CORO7: variants seen among roughly 807,000 people sequenced by gnomAD.
CORO7 encodes coronin 7, also known as coronin-7.
In CORO7, 107 loss-of-function variants were observed where a neutral mutation model predicts 126.6. That is an observed-to-expected ratio of 0.85 (90% confidence interval 0.72 to 0.99). The LOEUF is 0.99. CORO7 is among the 50% of genes least tolerant of loss of function. The pLI, the probability that CORO7 is intolerant of heterozygous loss-of-function variation, is 0.00. For synonymous variants in CORO7, 603 were observed against 536.8 expected (o/e 1.12, Z -1.70); for missense variants, 1,314 against 1,255.8 (o/e 1.05, Z -0.70).
intron 2 of CORO7, 102 bp from the exon 3 acceptor site, chr16:4,412,532 C>T: frequency 8.3e-7 from 1 of 1,202,374 alleles, no homozygotes; most frequent in Non-Finnish European, 1.2e-6. Context: ...AGCCTCGGAC[C>T]TTCCCAGAGC....
intron 9 of CORO7, chr16:4,380,946 C>G: frequency 6.3e-7 from 1 of 1,598,448 alleles, no homozygotes; most frequent in Non-Finnish European, 8.5e-7. Context: ...GGGTGCAGGG[C>G]TGCCCATCCG....
chr16:4,405,046 C>G (rs1029869910), intron 6 of CORO7, among the ~76,000 whole-genome samples: 4 of 152,200 alleles, frequency 2.6e-5, no homozygotes, highest in African/African-American at 9.7e-5. Context: ...CCAACCAGCT[C>G]AAAGCACCAT....
chr16:4,394,448 C>CA (rs569253246), intron 7 of CORO7, among the ~76,000 whole-genome samples: 3,264 of 61,340 alleles, frequency 0.053, 95 homozygotes, highest in African/African-American at 0.12. Flanking sequence ...GACTCCGTCT[C>CA]AAAAAAAAAA....
At chr16:4,415,028 A>AT (rs956720841) in intron 1 of CORO7, among the ~76,000 whole-genome samples, 68 of 151,270 alleles carry the variant, frequency 4.5e-4, no homozygotes, top group African/African-American at 1.3e-3. Flanking sequence ...CACCTGGCTA[A>AT]TTTTTTTTTC....
chr16:4,410,112 T>C (rs1038010319), intron 3 of CORO7, among the ~76,000 whole-genome samples: 7 of 152,086 alleles, frequency 4.6e-5, no homozygotes, highest in Admixed American at 1.3e-4. Context: ...AGCTCCCTCA[T>C]AGATAAAAAG....
chr16:4,393,432 G>A (rs962821958), intron 7 of CORO7, among the ~76,000 whole-genome samples: 1 of 152,210 alleles, frequency 6.6e-6, no homozygotes, highest in Non-Finnish European at 1.5e-5. Context: ...AGTACGACCA[G>A]GGTGTGGCCA....
chr16:4,357,160 A>C lies in CORO7; in HGVS notation c.2685+8T>G. On this transcript the variant is annotated splice_region_variant and intron_variant, in intron 26 of 27. Transcript: ENST00000251166. ...CACCTCCGCACAGCTGCTCTCTCCC[A>C]TGCCTACCTCCTCCTTCTTTTGCTG... 2 of 1,613,674 alleles carry C rather than the reference A, an allele frequency of 1.2e-6. No homozygotes were observed. The highest frequency in any genetic ancestry group is 1.7e-6 in the Non-Finnish European group (2 of 1,179,954).
In CORO7 at chr16:4,413,413, C is replaced by G; in HGVS notation, c.61-9G>C. 6.4e-7 allele frequency: 1 copy of G among 1,561,960 alleles called. No homozygotes were observed. The highest frequency in any genetic ancestry group is 1.9e-5 in the Admixed American group (1 of 51,994). On this transcript the variant is annotated splice_polypyrimidine_tract_variant and intron_variant, in intron 1 of 27. Coordinates refer to ENST00000251166, the MANE Select transcript of CORO7 (RefSeq NM_024535.5). The stretch of plus-strand genomic sequence containing the variant: ...ATGTCACTGATCCAGGACTGAAAAT[C>G]AAGAGTAAAGAAGTATGTGGTGAGA...
chr16:4,390,340 G>C (rs1162398132), intron 7 of CORO7, among the ~76,000 whole-genome samples: 1 of 151,860 alleles, frequency 6.6e-6, no homozygotes, highest in Non-Finnish European at 1.5e-5. Flanking sequence ...ACCTACTTTT[G>C]AAGACGGCCA....
At chr16:4,381,364 C>G (rs773248480) in intron 9 of CORO7, 2 of 1,589,756 alleles carry the variant, frequency 1.3e-6, no homozygotes, top group South Asian at 2.3e-5. Flanking sequence ...GCTGCGGGCA[C>G]TGCCCCCGCT....
Position 4,359,595 on chromosome 16 carries a change from T to A in CORO7, c.2135A>T (p.Tyr712Phe), listed in dbSNP as rs1377186341. The change falls in exon 22 of 28, where the codon TAT becomes TTT. Residue 712 changes from tyrosine to phenylalanine, a missense_variant. Transcript: ENST00000251166. ...TCCGCCGGCCAGGGCCTCAGCTTCATATAGGAGCAGCTGGCGCTCACTTTG... is the reference window on the plus strand; with the variant it reads ...TCCGCCGGCCAGGGCCTCAGCTTCAAATAGGAGCAGCTGGCGCTCACTTTG... ...DSQSERQLLL[Y>F]EAEALAGGPL... 6.2e-7 allele frequency: 1 copy of A among 1,606,828 alleles called. No individual in the cohort carries two copies. Among genetic ancestry groups the A allele is most frequent in the Non-Finnish European group, 8.5e-7 (1 of 1,175,352 alleles).
Position 4,355,336 on chromosome 16 carries a change from C to T in CORO7, c.2722G>A (p.Glu908Lys), listed in dbSNP as rs772275319. The T allele has an allele frequency of 8.1e-6, 13 of 1,612,680 alleles. No individual in the cohort carries two copies. In the East Asian group the frequency reaches 2.9e-4, roughly 36 times the overall value. ...AAGGAGTCCTGGGGGAGTGGGTCCTCCCGGTTCCCCAGTTTTGCCACCATG... is the reference window on the plus strand; with the variant it reads ...AAGGAGTCCTGGGGGAGTGGGTCCTTCCGGTTCCCCAGTTTTGCCACCATG... The part of the protein sequence containing the change: ...NAMVAKLGNR[E>K]DPLPQDSFEG... The change falls in exon 27 of 28, where the codon GAG becomes AAG. Residue 908 changes from glutamate to lysine, a missense_variant. Physicochemically the swap from Glu to Lys is moderately conservative, Grantham distance 56 (BLOSUM62 1). Coordinates refer to ENST00000251166, the MANE Select transcript of CORO7 (RefSeq NM_024535.5).
Position 4,412,421 on chromosome 16 carries a change from C to T in CORO7, c.167G>A (p.Gly56Asp). 6.2e-7 allele frequency: 1 copy of T among 1,614,206 alleles called. No individual in the cohort carries two copies. Among genetic ancestry groups the T allele is most frequent in the Non-Finnish European group, 8.5e-7 (1 of 1,180,028 alleles). Residue 56 changes from glycine to aspartate, a missense_variant, in exon 3 of 28, where the codon GGC becomes GAC. Gly to Asp is a moderately conservative substitution (Grantham distance 94, BLOSUM62 -1). Transcript: ENST00000251166. Reference sequence around the variant, plus strand: ...TCCTTGGCCTTGCAGAGGCACAATGCCCAGTACACCTGTTAAACAAACACG... The same window carrying T: ...TCCTTGGCCTTGCAGAGGCACAATGTCCAGTACACCTGTTAAACAAACACG... ...AFNSDRPGVLGIVPLQGQGED... is the reference protein window; with the variant it reads ...AFNSDRPGVLDIVPLQGQGED...
At position 4,413,299 on chromosome 16, in the gene CORO7, A is replaced by T; in HGVS notation, c.157+9T>A. The T allele has an allele frequency of 6.4e-7, 1 of 1,568,438 alleles. No individual in the cohort carries two copies. The highest frequency in any genetic ancestry group is 1.7e-4 in the Middle Eastern group (1 of 5,990). ...TGAGCAAATATCCACACTCATGGCC[A>T]TTCCCTACCAGGACGGTCGGAGTTG... On this transcript the variant is annotated intron_variant, in intron 2 of 27. Transcript: ENST00000251166.
rs745546765 is a variant in CORO7, at chr16:4,361,389, G to T, written c.1659C>A (p.Asp553Glu). The T allele has an allele frequency of 1.2e-6, 2 of 1,612,110 alleles. No individual in the cohort carries two copies. Among genetic ancestry groups the T allele is most frequent in the African/African-American group, 1.3e-5 (1 of 75,006 alleles). The change falls in exon 17 of 28, where the codon GAC (aspartate) becomes GAA (glutamate). Residue 553 changes from aspartate to glutamate, a missense_variant. Physicochemically the swap from Asp to Glu is conservative, Grantham distance 45. Coordinates refer to ENST00000251166, the MANE Select transcript of CORO7 (RefSeq NM_024535.5). ...CAGCGAGGCGATGGGGGTCAAAGGG[G>T]TCCCAGGCCAGATCAGTCACAGCTG... ...NGAAVTDLAW[D>E]PFDPHRLAVA...
intron 25 of CORO7, chr16:4,357,646 G>A (rs1026281186): frequency 2.4e-5 from 9 of 375,576 alleles, no homozygotes; most frequent in African/African-American, 4.2e-5. Flanking sequence ...ATGAGCCACC[G>A]CGCCTGGCCG....
chr16:4,395,381 G>A, intron 6 of CORO7, 42 bp from the exon 7 acceptor site: 1 of 1,613,244 alleles, frequency 6.2e-7, no homozygotes. Context: ...GATTAGGGCT[G>A]GAGGGTCCCT....
intron 3 of CORO7, among the ~76,000 whole-genome samples, chr16:4,411,349 T>C (rs1359013244): frequency 6.6e-6 from 1 of 152,006 alleles, no homozygotes; most frequent in Non-Finnish European, 1.5e-5. Context: ...GCCATGATTA[T>C]GCCACTGCAC....
chr16:4,362,661 G>A lies in CORO7; in HGVS notation c.1353C>T (p.Thr451=). 1.3e-6 allele frequency: 2 copies of A among 1,534,372 alleles called. No homozygotes were observed. The highest frequency in any genetic ancestry group is 1.7e-6 in the Non-Finnish European group (2 of 1,143,590). Residue 451 remains threonine (T), a synonymous_variant, in exon 15 of 28, where the codon ACC becomes ACT. Coordinates refer to ENST00000251166, the MANE Select transcript of CORO7 (RefSeq NM_024535.5). This position sits in a 1 kb window ranked among gnomAD's most constrained non-coding sequence, Gnocchi z 5.3. ...AACTGGGGCTGGTCCCGATGCCACT[G>A]GTGCTGGAGAGTGAGGGCCCCAGGC... ...PSSLGPSLSS[T]SGIGTSPSLR...
Sources: gnomAD v4.1 joint callset for allele counts (sites outside exome capture counted in the v4.1 genomes callset) on GRCh38, gnomAD v4.1.1 for gene constraint, Gnocchi (gnomAD v3.1) non-coding constraint, MANE v1.5 for transcripts, NCBI Gene and HGNC (gene_info 2026-07-23, HGNC 2026-07-21) for gene names.